SUN1: variants seen among roughly 807,000 people sequenced by gnomAD.
SUN1 encodes the protein SUN domain-containing protein 1.
In SUN1, 61 loss-of-function variants were observed where a neutral mutation model predicts 103.2. The ratio of observed to expected loss-of-function variants is 0.59; its 90% CI spans 0.48 to 0.73. The LOEUF is 0.73. Among genes scored for constraint, SUN1 ranks in the 30% least tolerant of loss-of-function variants. SUN1 has a pLI of 0.00. For missense variants in SUN1, 1,052 were observed against 1,034.6 expected (o/e 1.02, Z -0.23); for synonymous variants, 490 against 425.7 (o/e 1.15, Z -1.86).
intron 1 of SUN1, among the ~76,000 whole-genome samples, chr7:825,971 G>A (rs888866100): frequency 4.6e-5 from 7 of 151,878 alleles, no homozygotes; most frequent in Non-Finnish European, 8.8e-5. Flanking sequence ...GGCTGGGCAT[G>A]GTAGCTCACA....
intron 16 of SUN1, among the ~76,000 whole-genome samples, 196 bp downstream of exon 16, chr7:866,263 G>A (rs1273621258): frequency 6.6e-6 from 1 of 152,202 alleles, no homozygotes; most frequent in Non-Finnish European, 1.5e-5. Flanking sequence ...CACATCTGTT[G>A]GCTTGGGTTT....
At position 873,640 on chromosome 7, in the gene SUN1, G is replaced by C; in HGVS notation, c.*309G>C. ...ATTTCCTCAACAAAGGAGCAAAGCA[G>C]AGGAAGCTGAGAGTCTGGCGTGTTC... is the stretch of plus-strand genomic sequence containing the variant. On this transcript the variant is annotated 3_prime_UTR_variant, in exon 19 of 19. Transcript: ENST00000401592. The C allele has an allele frequency of 3.8e-6, 1 of 264,860 alleles. No individual in the cohort carries two copies. Among genetic ancestry groups the C allele is most frequent in the East Asian group, 7.7e-5 (1 of 13,038 alleles). 16.4% of individuals were successfully genotyped at this position (264,860 alleles called of 1,614,324 possible).
chr7:868,513 C>G (rs1448826286), intron 16 of SUN1: 1 of 286,280 alleles, frequency 3.5e-6, no homozygotes, highest in African/African-American at 2.4e-5. Flanking sequence ...TGCTGGTTCC[C>G]TGTGGTGTTG....
intron 15 of SUN1, 130 bp from the exon 16 acceptor site, chr7:865,822 A>G (rs1836044272): frequency 1.6e-5 from 11 of 705,426 alleles, no homozygotes; most frequent in Admixed American, 1.2e-4. Flanking sequence ...TTTTACTTGC[A>G]TTTCTCTGAA....
chr7:867,477 C>T (rs1164388811), intron 16 of SUN1, among the ~76,000 whole-genome samples: 2 of 152,224 alleles, frequency 1.3e-5, no homozygotes, highest in African/African-American at 4.8e-5. Flanking sequence ...CCCAGAGGAG[C>T]TCACTGGCCT....
rs779680195 is a variant in SUN1, at chr7:854,917, A to C, written c.1264-3A>C. On this transcript the variant is annotated splice_region_variant and splice_polypyrimidine_tract_variant and intron_variant, in intron 10 of 18. Coordinates refer to ENST00000401592, the MANE Select transcript of SUN1 (RefSeq NM_001130965.3). ...CATTTGTTCACTCCTTCTCTTTCCT[A>C]AGACTGACTTTATGGCCTTTCACCA... is the stretch of plus-strand genomic sequence containing the variant. 3.7e-6 allele frequency: 6 copies of C among 1,610,548 alleles called. No individual in the cohort carries two copies. The highest frequency in any genetic ancestry group is 4.2e-6 in the Non-Finnish European group (5 of 1,178,132).
intron 1 of SUN1, among the ~76,000 whole-genome samples, chr7:834,234 G>A (rs1800744562): frequency 6.6e-6 from 1 of 152,110 alleles, no homozygotes; most frequent in African/African-American, 2.4e-5. Context: ...GGATGGTGTA[G>A]GCTGGGCTGG....
rs371131423 is a variant in SUN1, at chr7:866,004, G to A, written c.1917G>A (p.Ala639=). 44 of 1,614,004 alleles carry A rather than the reference G, an allele frequency of 2.7e-5. No homozygotes were observed. The highest frequency in any genetic ancestry group is 4.0e-5 in the African/African-American group (3 of 74,890). Residue 639 remains alanine, a synonymous_variant, in exon 16 of 19, where the codon GCG becomes GCA. Transcript: ENST00000401592. ...RCSETYETKT[A]LMSLFGIPLW... The stretch of plus-strand genomic sequence containing the variant: ...CTGAAACTTACGAAACCAAAACGGC[G>A]CTGATGAGTCTGTTTGGGATCCCGC...
chr7:851,583 C>G (rs1016404320), intron 6 of SUN1, 101 bp downstream of exon 6: 2 of 1,045,492 alleles, frequency 1.9e-6, no homozygotes, highest in Non-Finnish European at 1.4e-6. Context: ...CATTTAGGCT[C>G]TCATGCTTTG....
intron 17 of SUN1, 151 bp downstream of exon 17, chr7:869,667 T>G (rs1477859251): frequency 1.0e-6 from 1 of 965,624 alleles, no homozygotes; most frequent in African/African-American, 1.7e-5. Flanking sequence ...ATTCCAGTGC[T>G]TTTCTAGGGA....
At position 861,442 on chromosome 7, in the gene SUN1, G is replaced by A. The variant is rs761721480; in HGVS notation, c.1842G>A (p.Val614=). The part of the protein sequence containing the change: ...KLYSQDKTGM[V]DFALESGGGS... ...ATTCCCAAGATAAGACCGGGATGGT[G>A]GACTTTGCTCTGGAATCTGGTGGTG... The change falls in exon 15 of 19, where the codon GTG becomes GTA. Residue 614 remains valine, a synonymous_variant. Coordinates refer to ENST00000401592, the MANE Select transcript of SUN1 (RefSeq NM_001130965.3). The A allele has an allele frequency of 6.2e-7, 1 of 1,614,068 alleles. No homozygotes were observed. The highest frequency in any genetic ancestry group is 1.7e-5 in the Admixed American group (1 of 59,998).
Position 838,809 on chromosome 7 carries a change from C to T in SUN1, c.89C>T (p.Ser30Phe), listed in dbSNP as rs2128270236. 6.4e-7 allele frequency: 1 copy of T among 1,550,786 alleles called. No individual in the cohort carries two copies. Among genetic ancestry groups the T allele is most frequent in the South Asian group, 1.2e-5 (1 of 83,530 alleles). Residue 30 changes from serine to phenylalanine, a missense_variant, in exon 2 of 19, where the codon TCT (serine) becomes TTT (phenylalanine). Ser to Phe is a radical substitution (Grantham distance 155, BLOSUM62 -2). This residue lies in a region of SUN1 where 846 missense variants were observed against 774.5 expected (regional missense o/e 1.09). Coordinates refer to ENST00000401592, the MANE Select transcript of SUN1 (RefSeq NM_001130965.3). The part of the protein sequence containing the change: ...GYTYALSSSY[S>F]SDALDFETEH... ...CTTTTTCCTTCTAGTTCCAGCTATTCTTCAGATGCTCTGGATTTTGAGACG... is the reference window on the plus strand; with the variant it reads ...CTTTTTCCTTCTAGTTCCAGCTATTTTTCAGATGCTCTGGATTTTGAGACG...
At chr7:865,888 G>A (rs1836102804) in intron 15 of SUN1, 64 bp from the exon 16 acceptor site, 6 of 1,283,956 alleles carry the variant, frequency 4.7e-6, no homozygotes, top group South Asian at 3.6e-5. Flanking sequence ...CTGAAGTGGT[G>A]CAGTACTATT....
At chr7:838,767 T>G (rs772737466) in intron 1 of SUN1, 31 bp from the exon 2 acceptor site, 8 of 1,505,156 alleles carry the variant, frequency 5.3e-6, no homozygotes, top group East Asian at 5.0e-5. Flanking sequence ...CTATAAGCAC[T>G]GCTTACCTCT....
intron 11 of SUN1, among the ~76,000 whole-genome samples, chr7:856,084 A>G (rs1827014546): frequency 6.6e-6 from 1 of 152,106 alleles, no homozygotes; most frequent in Admixed American, 6.6e-5. Context: ...TGTGACAGGG[A>G]GCTGACTCCC....
At chr7:818,864 C>A (rs1377127912) in intron 1 of SUN1, among the ~76,000 whole-genome samples, 2 of 126,488 alleles carry the variant, frequency 1.6e-5, no homozygotes, top group African/African-American at 3.3e-5. Flanking sequence ...CCGCTCCCCT[C>A]CCCCCCTTTT....
chr7:848,186 G>A (rs79843698), intron 5 of SUN1, among the ~76,000 whole-genome samples: 4 of 123,246 alleles, frequency 3.2e-5, no homozygotes, highest in Middle Eastern at 8.7e-3. Context: ...CACCCTCTCC[G>A]GGATCCCCTG....
At chr7:823,668 C>T (rs771189375) in intron 1 of SUN1, among the ~76,000 whole-genome samples, 2 of 152,146 alleles carry the variant, frequency 1.3e-5, no homozygotes. Flanking sequence ...AGGCAGATTT[C>T]TCTGTAGATG....
At chr7:829,990 T>G (rs1485299794), upstream of SUN1, among the ~76,000 whole-genome samples, 3 of 152,286 alleles carry the variant, frequency 2.0e-5, no homozygotes, top group Non-Finnish European at 4.4e-5. Flanking sequence ...CTTTTTTGAC[T>G]TCATTTTATT....
Sources: allele counts gnomAD v4.1 joint callset (sites outside exome capture counted in the v4.1 genomes callset), GRCh38; gene constraint gnomAD v4.1.1; regional missense constraint gnomAD v4.1.1; transcripts MANE v1.5; gene names NCBI Gene and HGNC (gene_info 2026-07-23, HGNC 2026-07-21).